The following ZPLD1 variants were observed in gnomAD, a reference collection of about 807,000 sequenced individuals.
ZPLD1 encodes zona pellucida like domain containing 1, also known as zona pellucida-like domain-containing protein 1.
Under a neutral mutation model 47.2 loss-of-function variants are expected in ZPLD1, and 34 were observed. The observed-to-expected ratio is 0.72, with a 90% CI of 0.55 to 0.96. ZPLD1 has a LOEUF of 0.96. Ranked by LOEUF, ZPLD1 falls within the 40% of genes least tolerant of loss-of-function variation. The probability of loss-of-function intolerance (pLI) is 0.00; values close to 1 mark genes in which losing one functional copy is unlikely to be tolerated. For synonymous variants in ZPLD1, 176 were observed against 186.2 expected (o/e 0.95, Z 0.45); for missense variants, 512 against 505.8 (o/e 1.01, Z -0.12).
chr3:102,448,342 T>C (rs970705446), intron 3 of ZPLD1, among the ~76,000 whole-genome samples: 1 of 152,182 alleles, frequency 6.6e-6, no homozygotes, highest in Non-Finnish European at 1.5e-5. Flanking sequence ...AGGCCAGGGA[T>C]TGGACAGTAA....
At position 102,479,081 on chromosome 3, in the gene ZPLD1, G is replaced by A. The variant is rs1251961083; in HGVS notation, c.*1463G>A. The stretch of plus-strand genomic sequence containing the variant: ...TCCAATTTGCCTGAATATTTCAGGA[G>A]GAAGTGTTTATATTATAATAATTAG... On this transcript the variant is annotated 3_prime_UTR_variant, in exon 12 of 12. Transcript: ENST00000466937. 2 of 152,138 alleles carry A rather than the reference G, an allele frequency of 1.3e-5. No homozygotes were observed. The highest frequency in any genetic ancestry group is 6.5e-5 in the Admixed American group (1 of 15,272). 9.4% of individuals were successfully genotyped at this position (152,138 alleles called of 1,614,324 possible).
intron 7 of ZPLD1, among the ~76,000 whole-genome samples, chr3:102,395,654 A>G (rs1402277629): frequency 6.6e-6 from 1 of 152,178 alleles, no homozygotes; most frequent in Non-Finnish European, 1.5e-5. Flanking sequence ...TTAAGCTACG[A>G]TATTTGGAGT....
chr3:102,438,590 C>T lies in ZPLD1; in HGVS notation c.103C>T (p.Pro35Ser), dbSNP rs139525039. 2 of 1,610,134 alleles carry T rather than the reference C, an allele frequency of 1.2e-6. No individual in the cohort carries two copies. The highest frequency in any genetic ancestry group is 1.7e-6 in the Non-Finnish European group (2 of 1,176,426). The change falls in exon 3 of 12, where the codon CCT becomes TCT. Residue 35 changes from proline (P) to serine (S), a missense_variant. Transcript: ENST00000466937. ...TGATGCCAACCTCCACAGTAGATTTCCTGGTAAGTGTAAGCCTAATCTATT... is the reference window on the plus strand; with the variant it reads ...TGATGCCAACCTCCACAGTAGATTTTCTGGTAAGTGTAAGCCTAATCTATT... ...NCDANLHSRF[P>S]AERDISVYCG...
At chr3:102,457,325 C>T (rs976129046) in intron 5 of ZPLD1, among the ~76,000 whole-genome samples, 2 of 152,198 alleles carry the variant, frequency 1.3e-5, no homozygotes, top group Non-Finnish European at 2.9e-5. Context: ...CCCCAGTCCA[C>T]ACACTGAACA....
At chr3:102,442,117 A>G (rs753063520) in intron 3 of ZPLD1, among the ~76,000 whole-genome samples, 22 of 152,206 alleles carry the variant, frequency 1.4e-4, no homozygotes, top group Non-Finnish European at 3.1e-4. Context: ...CACTTCAAAG[A>G]GAGGAGAAAG....
intron 10 of ZPLD1, among the ~76,000 whole-genome samples, chr3:102,475,255 T>A (rs779146547): frequency 2.6e-5 from 4 of 152,034 alleles, no homozygotes; most frequent in African/African-American, 4.8e-5. Context: ...CACAGCGAAG[T>A]CCTCATTAAT....
In ZPLD1 at chr3:102,464,227, A is replaced by C; in HGVS notation, c.737A>C (p.Asp246Ala). The C allele has an allele frequency of 6.2e-7, 1 of 1,612,798 alleles. No homozygotes were observed. The highest frequency in any genetic ancestry group is 8.5e-7 in the Non-Finnish European group (1 of 1,178,874). Residue 246 changes from aspartate (D) to alanine (A), a missense_variant, in exon 8 of 12, where the codon GAC becomes GCC. Transcript: ENST00000466937. Reference sequence around the variant, plus strand: ...ACCCCATCAGGAAACCCAAATGATGACATTCGATATGATCTTTTCCTTAGG... The same window carrying C: ...ACCCCATCAGGAAACCCAAATGATGCCATTCGATATGATCTTTTCCTTAGG... ...YTTPSGNPND[D>A]IRYDLFLSCD...
chr3:102,414,399 T>G (rs532199516), intron 7 of ZPLD1, among the ~76,000 whole-genome samples: 1 of 151,984 alleles, frequency 6.6e-6, no homozygotes, highest in Non-Finnish European at 1.5e-5. Flanking sequence ...ACAATTTCAG[T>G]GCTTTTATTG....
chr3:102,407,442 T>TATATATATACAC (rs1553708474), intron 7 of ZPLD1, among the ~76,000 whole-genome samples: 46 of 95,464 alleles, frequency 4.8e-4, no homozygotes, highest in African/African-American at 6.7e-4. Flanking sequence ...TATATATATA[T>TATATATATACAC]ACACACATAT....
rs1313462709 is a variant in ZPLD1, at chr3:102,426,433, G to T, written c.-9+8226G>T. Among the ~76,000 whole-genome samples, 13 of 151,496 alleles carry T rather than the reference G, an allele frequency of 8.6e-5. No individual in the cohort carries two copies. The South Asian group carries it at 2.1e-3, about 24-fold the overall frequency. ...GTCAACAGGCTGAGGCAGGAGAATC[G>T]CTTGAACCCAGGAGGCAGAGGTTGC... On this transcript the variant is annotated intron_variant, in intron 8 of 17. Coordinates refer to the ZPLD1 transcript ENST00000491959.
At chr3:102,433,900 TATTTTGTCTCAATC>T (rs1352995459), upstream of ZPLD1, among the ~76,000 whole-genome samples, 21 of 152,274 alleles carry the variant, frequency 1.4e-4, no homozygotes, top group African/African-American at 5.1e-4. Context: ...TATTAAAAAA[TATTTTGTCTCAATC>T]ATCTGAATTA....
intron 8 of ZPLD1, among the ~76,000 whole-genome samples, chr3:102,423,087 C>T (rs940932025): frequency 2.0e-5 from 3 of 152,072 alleles, no homozygotes; most frequent in African/African-American, 7.2e-5. Flanking sequence ...TGGTCCAAAA[C>T]TTTTCACTTC....
intron 8 of ZPLD1, among the ~76,000 whole-genome samples, chr3:102,429,541 T>TG (rs937790436): frequency 1.4e-4 from 22 of 152,180 alleles, no homozygotes; most frequent in Non-Finnish European, 2.9e-4. Context: ...TTTACTGGAT[T>TG]GGGGGGGAAA....
intron 6 of ZPLD1, among the ~76,000 whole-genome samples, chr3:102,459,007 G>A (rs1397966622): frequency 1.3e-5 from 2 of 148,272 alleles, no homozygotes; most frequent in Non-Finnish European, 3.0e-5. Context: ...GGAGAATGGC[G>A]TGAACCCGGG....
At chr3:102,385,502 C>T (rs1706415484) in intron 6 of ZPLD1, among the ~76,000 whole-genome samples, 1 of 152,026 alleles carries the variant, frequency 6.6e-6, no homozygotes, top group African/African-American at 2.4e-5. Flanking sequence ...AAATACATTC[C>T]TTGTAGTATT....
intron 9 of ZPLD1, 112 bp from the exon 10 acceptor site, chr3:102,470,282 G>T: frequency 1.3e-6 from 1 of 746,076 alleles, no homozygotes; most frequent in South Asian, 1.7e-5. Flanking sequence ...GGAAGGAAAT[G>T]AATAAAATTA....
chr3:102,458,815 T>C lies in ZPLD1; in HGVS notation c.582+962T>C, dbSNP rs185136460. On this transcript the variant is annotated intron_variant, in intron 6 of 11. Transcript: ENST00000466937. The stretch of plus-strand genomic sequence containing the variant: ...CTGCAAAGAGAAGCTGTCGGCCGGG[T>C]GCTGTGGCTCACGCCTGTAATCCCA... Among the ~76,000 whole-genome samples the C allele has an allele frequency of 2.9e-4, 44 of 151,942 alleles. No homozygotes were observed. The East Asian group carries it at 4.5e-3, about 15-fold the overall frequency.
chr3:102,429,127 G>C (rs953727296), intron 8 of ZPLD1, among the ~76,000 whole-genome samples: 7 of 152,138 alleles, frequency 4.6e-5, no homozygotes. Flanking sequence ...TATAGTCTAT[G>C]TAAGGGCTTA....
At chr3:102,459,370 A>G (rs1424018687) in intron 6 of ZPLD1, among the ~76,000 whole-genome samples, 1 of 152,136 alleles carries the variant, frequency 6.6e-6, no homozygotes, top group African/African-American at 2.4e-5. Flanking sequence ...ACTGAAAAAT[A>G]TGATCCATAT....
Sources: gnomAD v4.1 joint callset for allele counts (sites outside exome capture counted in the v4.1 genomes callset) on GRCh38, gnomAD v4.1.1 for gene constraint, MANE v1.5 for transcripts, NCBI Gene and HGNC (gene_info 2026-07-23, HGNC 2026-07-21) for gene names.